Variants in ANAPC5 observed in about 807,000 individuals in gnomAD.
ANAPC5 encodes anaphase promoting complex subunit 5, also known as anaphase-promoting complex subunit 5.
ANAPC5 carries 60 observed loss-of-function variants against 91.3 expected under a neutral mutation model. The ratio of observed to expected loss-of-function variants is 0.66; its 90% CI spans 0.53 to 0.81. The LOEUF (loss-of-function observed/expected upper bound fraction) is 0.81. Ranked by LOEUF, ANAPC5 falls within the 40% of genes least tolerant of loss-of-function variation. The pLI is 0.00. For missense variants in ANAPC5, 690 were observed against 931.5 expected, an observed-to-expected ratio of 0.74 and a Z score of 3.37; for synonymous variants, 340 against 364.1, an observed-to-expected ratio of 0.93 and a Z score of 0.75.
chr12:121,351,897 T>C (rs1555275417), intron 1 of ANAPC5, among the ~76,000 whole-genome samples: 1 of 151,544 alleles, frequency 6.6e-6, no homozygotes, highest in Non-Finnish European at 1.5e-5. Context: ...TCTCAGCTAA[T>C]AAATACTGGA....
intron 15 of ANAPC5, among the ~76,000 whole-genome samples, chr12:121,313,258 G>A (rs1163926532): frequency 3.9e-5 from 6 of 152,066 alleles, no homozygotes; most frequent in Non-Finnish European, 7.3e-5. Flanking sequence ...CCTGGGAGGC[G>A]GAGGTTGCAG....
chr12:121,309,632 C>T (rs1902075544), intron 16 of ANAPC5, 69 bp downstream of exon 16: 10 of 1,502,926 alleles, frequency 6.7e-6, no homozygotes, highest in Non-Finnish European at 8.9e-6. Context: ...GTCTTTTCTT[C>T]TTCTGGGTCC....
chr12:121,337,079 G>A (rs782072125), intron 6 of ANAPC5, among the ~76,000 whole-genome samples: 6 of 152,118 alleles, frequency 3.9e-5, no homozygotes, highest in Non-Finnish European at 5.9e-5. Context: ...TTAGCTGGGC[G>A]TGGTGGCACG....
At chr12:121,347,973 C>A in intron 1 of ANAPC5, 92 bp from the exon 2 acceptor site, 1 of 868,550 alleles carries the variant, frequency 1.2e-6, no homozygotes, top group Non-Finnish European at 1.9e-6. Context: ...AACCCCTCTG[C>A]TTTAATAATC....
chr12:121,338,808 AAT>A (rs782292460), intron 5 of ANAPC5, among the ~76,000 whole-genome samples: 9 of 152,186 alleles, frequency 5.9e-5, no homozygotes, highest in Non-Finnish European at 1.2e-4. Flanking sequence ...TTTTGTTAAA[AAT>A]ATGTGTATAC....
chr12:121,311,659 C>A (rs1471749109), intron 15 of ANAPC5, among the ~76,000 whole-genome samples: 3 of 152,044 alleles, frequency 2.0e-5, no homozygotes, highest in Non-Finnish European at 4.4e-5. Context: ...ATGGCAAAAA[C>A]CCATCTCTAC....
chr12:121,319,688 G>C lies in ANAPC5; in HGVS notation c.1637+9C>G. ...TTATTCTGGGGTTAGAGTTTTCAAGGTTTCTTACCTATAAACACCCTCTAT... is the reference window on the plus strand; with the variant it reads ...TTATTCTGGGGTTAGAGTTTTCAAGCTTTCTTACCTATAAACACCCTCTAT... On this transcript the variant is annotated intron_variant, in intron 13 of 16. Transcript: ENST00000261819. The C allele has an allele frequency of 6.3e-7, 1 of 1,599,670 alleles. No homozygotes were observed. The highest frequency in any genetic ancestry group is 8.5e-7 in the Non-Finnish European group (1 of 1,175,832).
Position 121,330,670 on chromosome 12 carries a change from G to A in ANAPC5, c.1035C>T (p.Ser345=). 1 of 1,613,712 alleles carries A rather than the reference G, an allele frequency of 6.2e-7. No homozygotes were observed. Among genetic ancestry groups the A allele is most frequent in the Non-Finnish European group, 8.5e-7 (1 of 1,179,656 alleles). ...TCTTCTGCCCCAGCACATAAAGCCA[G>A]CTCTGGCAAGAGAAATCATCAAAAT... ...NDHVCLQHCL[S]WLYVLGQKRS... Residue 345 remains serine (S), a splice_region_variant and synonymous_variant, in exon 9 of 17, where the codon AGC becomes AGT. Transcript: ENST00000261819.
chr12:121,336,282 A>G (rs1351752011), intron 6 of ANAPC5, among the ~76,000 whole-genome samples: 1 of 152,232 alleles, frequency 6.6e-6, no homozygotes, highest in African/African-American at 2.4e-5. Context: ...ACTATTTAAG[A>G]AAATTTTCCG....
rs1208923196 is a variant in ANAPC5, at chr12:121,337,494, TC to T, written c.658-103del. ...CTGATTATTTTCTTTTCTACAGGGG[TC>T]CCTTCAGGCTCTGGCCCCTCATCTC... On this transcript the variant is annotated intron_variant, in intron 5 of 16. Transcript: ENST00000261819. The T allele has an allele frequency of 7.5e-5, 66 of 875,098 alleles. No individual in the cohort carries two copies. The South Asian group carries it at 1.0e-3, about 13-fold the overall frequency. 54.2% of individuals were successfully genotyped at this position (875,098 alleles called of 1,614,324 possible). A position where few individuals can be genotyped will look rare whatever the true frequency, so the allele number is the denominator to read the frequency against.
At chr12:121,351,533 C>T (rs1903892821) in intron 1 of ANAPC5, among the ~76,000 whole-genome samples, 1 of 151,516 alleles carries the variant, frequency 6.6e-6, no homozygotes, top group Non-Finnish European at 1.5e-5. Context: ...TCTCGGCTCA[C>T]TGCAACCTCC....
intron 13 of ANAPC5, among the ~76,000 whole-genome samples, chr12:121,319,112 C>T (rs1902495389): frequency 8.3e-6 from 1 of 121,166 alleles, no homozygotes; most frequent in South Asian, 2.8e-4. Context: ...TGTGTATACA[C>T]AAACACACAC....
intron 13 of ANAPC5, among the ~76,000 whole-genome samples, chr12:121,319,394 G>C (rs1902509484): frequency 6.6e-6 from 1 of 151,662 alleles, no homozygotes; most frequent in South Asian, 2.1e-4. Flanking sequence ...CACCATGCCT[G>C]GCTAATTTTT....
intron 8 of ANAPC5, 68 bp from the exon 9 acceptor site, chr12:121,330,740 T>A (rs781865469): frequency 6.2e-6 from 8 of 1,296,152 alleles, no homozygotes; most frequent in Non-Finnish European, 8.9e-6. Flanking sequence ...GAAATATCAA[T>A]GTGGTCATAA....
intron 11 of ANAPC5, among the ~76,000 whole-genome samples, chr12:121,321,532 CT>C (rs59155973): frequency 2.4e-3 from 291 of 120,394 alleles, no homozygotes; most frequent in Middle Eastern, 4.5e-3. Flanking sequence ...ATACAAAATC[CT>C]TTTTTTTTTT....
chr12:121,318,864 CA>C (rs2136765022), intron 13 of ANAPC5, among the ~76,000 whole-genome samples: 1 of 152,064 alleles, frequency 6.6e-6, no homozygotes, highest in African/African-American at 2.4e-5. Context: ...ACTAAAAATA[CA>C]AAAAATTAGC....
rs372968831 is a variant in ANAPC5 at position 121,341,598 on chromosome 12, A to G, written c.657+405T>C. Among the ~76,000 whole-genome samples the G allele has an allele frequency of 6.1e-4, 93 of 152,350 alleles. 2 individuals are homozygous for G. In the South Asian group the frequency reaches 0.019, roughly 31 times the overall value. On this transcript the variant is annotated intron_variant, in intron 5 of 16. Coordinates refer to ENST00000261819, the MANE Select transcript of ANAPC5 (RefSeq NM_016237.5). ...TGGTGGCTGAATAGAGAGTGGTTAG[A>G]TAAGTAATAAATAGAACAAAAATAT...
intron 16 of ANAPC5, 41 bp from the exon 17 acceptor site, chr12:121,308,732 C>G (rs1902040467): frequency 4.0e-6 from 6 of 1,496,180 alleles, no homozygotes; most frequent in Non-Finnish European, 4.7e-6. Flanking sequence ...TTAACTCAAC[C>G]CTTCACGTAT....
chr12:121,341,198 G>A (rs114514914), intron 5 of ANAPC5, among the ~76,000 whole-genome samples: 4,472 of 152,028 alleles, frequency 0.029, 165 homozygotes, highest in East Asian at 0.14. Flanking sequence ...TTTGGGGCAC[G>A]CTGGTTCATG....
Sources: gnomAD v4.1 joint callset for allele counts (sites outside exome capture counted in the v4.1 genomes callset) on GRCh38, gnomAD v4.1.1 for gene constraint, MANE v1.5 for transcripts, NCBI Gene and HGNC (gene_info 2026-07-23, HGNC 2026-07-21) for gene names.